Variants in RELCH observed in about 807,000 individuals in gnomAD.
RELCH encodes RAB11-binding protein RELCH.
Under a neutral mutation model 150.3 loss-of-function variants are expected in RELCH, and 41 were observed. That is an observed-to-expected ratio of 0.27 (90% CI 0.21 to 0.35). The LOEUF (loss-of-function observed/expected upper bound fraction) is 0.35. Among genes scored for constraint, RELCH ranks in the 10% least tolerant of loss-of-function variants. The pLI, the probability that RELCH is intolerant of heterozygous loss-of-function variation, is 1.00. For synonymous variants in RELCH, 478 were observed against 531.8 expected, an observed-to-expected ratio of 0.90 and a Z score of 1.39; for missense variants, 1,092 against 1,467.8, an observed-to-expected ratio of 0.74 and a Z score of 4.18.
Position 62,228,553 on chromosome 18 carries a change from C to T in RELCH, c.1403C>T (p.Ser468Phe). ...AGAGAAAGAGAAGGAATGCCACCTT[C>T]TTCTCTATCAAGTAAAAAGACAGTT... ...PRREREGMPP[S>F]SLSSKKTVHF... is the part of the protein sequence containing the mutation. The change falls in exon 8 of 29, where the codon TCT becomes TTT. Residue 468 changes from serine to phenylalanine, a missense_variant. Ser to Phe is a radical substitution (Grantham distance 155, BLOSUM62 -2). Around this residue, in one of 4 missense-constraint regions of RELCH, gnomAD observed 707 missense variants for 1,025.4 expected, o/e 0.69. Coordinates refer to ENST00000644646, the MANE Select transcript of RELCH (RefSeq NM_001346231.2). The T allele has an allele frequency of 6.2e-7, 1 of 1,612,672 alleles. No homozygotes were observed. The highest frequency in any genetic ancestry group is 8.5e-7 in the Non-Finnish European group (1 of 1,179,328).
At chr18:62,257,554 T>C (rs1215108672) in intron 13 of RELCH, among the ~76,000 whole-genome samples, 1 of 152,078 alleles carries the variant, frequency 6.6e-6, no homozygotes, top group Non-Finnish European at 1.5e-5. Flanking sequence ...ATTGTCCATT[T>C]GTAGTAGAGT....
At chr18:62,264,941 A>T in intron 18 of RELCH, 89 bp downstream of exon 18, 3 of 1,064,074 alleles carry the variant, frequency 2.8e-6, no homozygotes, top group Non-Finnish European at 4.0e-6. Context: ...AAAAGCATGA[A>T]CCATTCTTTT....
intron 22 of RELCH, 59 bp downstream of exon 22, chr18:62,275,532 G>C: frequency 1.9e-6 from 2 of 1,031,538 alleles, no homozygotes; most frequent in Non-Finnish European, 3.0e-6. Context: ...TTTTTGCGAA[G>C]AAGAAGGGAA....
chr18:62,284,545 C>A (rs181558653), intron 25 of RELCH, among the ~76,000 whole-genome samples: 1 of 152,094 alleles, frequency 6.6e-6, no homozygotes, highest in Non-Finnish European at 1.5e-5. Context: ...AGTCAAGTGG[C>A]TTCTCTTTTG....
Position 62,221,513 on chromosome 18 carries a change from GT to G in RELCH, c.858+21del, listed in dbSNP as rs148489646. The G allele has an allele frequency of 2.5e-3, 2,867 of 1,156,322 alleles. 47 individuals carry two copies. The African/African-American group carries it at 0.041, about 17-fold the overall frequency. 71.6% of individuals were successfully genotyped at this position (1,156,322 alleles called of 1,614,324 possible). Reference sequence around the variant, plus strand: ...CGATGATCAGGTAAAGTTACTTTTTGTTTTTACAGTGATTTTTTTCTACACT... The same window carrying G: ...CGATGATCAGGTAAAGTTACTTTTTGTTTTACAGTGATTTTTTTCTACACT... On this transcript the variant is annotated intron_variant, in intron 5 of 28. Coordinates refer to ENST00000644646, the MANE Select transcript of RELCH (RefSeq NM_001346231.2).
Position 62,231,207 on chromosome 18 carries a change from G to A in RELCH, c.1462G>A (p.Ala488Thr). The change falls in exon 9 of 29, where the codon GCA becomes ACA. Residue 488 changes from alanine to threonine, a missense_variant. By Grantham distance (58) the Ala-to-Thr change is moderately conservative (BLOSUM62 0). Transcript: ENST00000644646. Reference protein sequence around the residue: ...FDKPNRKLSPAFHQALLSFCR... With the variant: ...FDKPNRKLSPTFHQALLSFCR... ...ATTTTCTTCTAGGAAATTGTCTCCT[G>A]CATTCCATCAAGCACTACTCTCTTT... 6.3e-7 allele frequency: 1 copy of A among 1,599,710 alleles called. No homozygotes were observed. Among genetic ancestry groups the A allele is most frequent in the Non-Finnish European group, 8.6e-7 (1 of 1,169,476 alleles).
At chr18:62,243,817 ATC>A (rs2042267085) in intron 10 of RELCH, among the ~76,000 whole-genome samples, 1 of 152,212 alleles carries the variant, frequency 6.6e-6, no homozygotes, top group Admixed American at 6.5e-5. Context: ...TCTATTTTAA[ATC>A]TCTTAACAGT....
intron 11 of RELCH, among the ~76,000 whole-genome samples, chr18:62,250,134 A>G (rs2042624133): frequency 6.6e-6 from 1 of 152,196 alleles, no homozygotes; most frequent in Non-Finnish European, 1.5e-5. Flanking sequence ...AATGTTGTTA[A>G]TAACCTGTGG....
At chr18:62,255,607 C>A in intron 13 of RELCH, 129 bp downstream of exon 13, 1 of 696,290 alleles carries the variant, frequency 1.4e-6, no homozygotes, top group Non-Finnish European at 2.4e-6. Context: ...AAGAGATGAT[C>A]CAAAAAAGAG....
chr18:62,201,541 A>G (rs775139280), intron 1 of RELCH, among the ~76,000 whole-genome samples: 4 of 152,134 alleles, frequency 2.6e-5, no homozygotes, highest in Admixed American at 1.3e-4. Context: ...ATATTAAAGT[A>G]TATATTAAAT....
At chr18:62,264,657 G>C in intron 17 of RELCH, 72 bp from the exon 18 acceptor site, 1 of 1,143,102 alleles carries the variant, frequency 8.7e-7, no homozygotes. Flanking sequence ...GATTTGCATT[G>C]TTTCAGAAAT....
At chr18:62,285,321 G>A (rs547350135) in intron 25 of RELCH, 11 of 152,186 alleles carry the variant, frequency 7.2e-5, no homozygotes, top group African/African-American at 2.6e-4. Context: ...GCGAAATACG[G>A]TTTTATAAAA....
At chr18:62,228,834 C>G (rs2148416436) in intron 8 of RELCH, among the ~76,000 whole-genome samples, 1 of 152,190 alleles carries the variant, frequency 6.6e-6, no homozygotes, top group South Asian at 2.1e-4. Flanking sequence ...TAGGTTCTAT[C>G]TTAGCTAAGT....
In RELCH at chr18:62,264,016, C is replaced by G; in HGVS notation, c.2378C>G (p.Pro793Arg). Residue 793 changes from proline (P) to arginine (R), a missense_variant, in exon 17 of 29, where the codon CCT (proline) becomes CGT (arginine). By Grantham distance (103) the Pro-to-Arg change is moderately radical. Transcript: ENST00000644646. ...EVTRFPRPMS[P>R]LQDVSTIIGS... ...ACTAGGTTTCCTCGGCCTATGTCGCCTCTTCAAGATGTGTCCACTATTATC... is the reference window on the plus strand; with the variant it reads ...ACTAGGTTTCCTCGGCCTATGTCGCGTCTTCAAGATGTGTCCACTATTATC... 1 of 1,607,990 alleles carries G rather than the reference C, an allele frequency of 6.2e-7. No homozygotes were observed. The highest frequency in any genetic ancestry group is 1.1e-5 in the South Asian group (1 of 90,554).
rs2045886455 is a variant in RELCH, at chr18:62,306,626, A to G, written c.*1092A>G. ...TGACCTCCTGTGTTTGATGTATATT[A>G]CATAGAGTCTTAAGTCAGTGTACAG... On this transcript the variant is annotated 3_prime_UTR_variant, in exon 29 of 29. Transcript: ENST00000644646. 1 of 152,638 alleles carries G rather than the reference A, an allele frequency of 6.6e-6. No individual in the cohort carries two copies. The highest frequency in any genetic ancestry group is 2.4e-5 in the African/African-American group (1 of 41,448). The allele number at this position is 152,638 out of a possible 1,614,324, so 9.5% of individuals were successfully genotyped here. A position where few individuals can be genotyped will look rare whatever the true frequency, so the allele number is the denominator to read the frequency against.
intron 10 of RELCH, among the ~76,000 whole-genome samples, chr18:62,242,703 A>G (rs1386942901): frequency 6.6e-6 from 1 of 152,270 alleles, no homozygotes; most frequent in East Asian, 1.9e-4. Context: ...TTCCTCCTTG[A>G]TTAAGGATCA....
intron 20 of RELCH, 99 bp from the exon 21 acceptor site, chr18:62,273,881 C>T: frequency 5.7e-5 from 41 of 720,428 alleles, no homozygotes; most frequent in Middle Eastern, 2.6e-4. Context: ...GGATATTTTC[C>T]CCTTATTTGG....
chr18:62,217,885 C>T (rs916110952), intron 2 of RELCH, among the ~76,000 whole-genome samples: 5 of 151,842 alleles, frequency 3.3e-5, no homozygotes, highest in African/African-American at 9.7e-5. Flanking sequence ...GCTTTGTTCC[C>T]ACCAAGTTGA....
chr18:62,253,170 T>G lies in RELCH; in HGVS notation c.1824+416T>G, dbSNP rs147879700. On this transcript the variant is annotated intron_variant, in intron 12 of 28. Coordinates refer to ENST00000644646, the MANE Select transcript of RELCH (RefSeq NM_001346231.2). ...GAAGGGTGGTCAGAGAAAGAATCTC[T>G]GAGGCAATGATGTTTAGGAAAGAAT... Among the ~76,000 whole-genome samples the G allele has an allele frequency of 1.6e-3, 236 of 152,058 alleles. 1 individual carries two copies. Among genetic ancestry groups the G allele is most frequent in the African/African-American group, 5.3e-3 (220 of 41,504 alleles).
Sources: allele counts gnomAD v4.1 joint callset (sites outside exome capture counted in the v4.1 genomes callset), GRCh38; gene constraint gnomAD v4.1.1; regional missense constraint gnomAD v4.1.1; transcripts MANE v1.5; gene names NCBI Gene and HGNC (gene_info 2026-07-23, HGNC 2026-07-21).